The following FAM168A variants were observed in gnomAD, a reference collection of about 807,000 sequenced individuals.
FAM168A encodes the protein protein FAM168A.
A neutral mutation model predicts 28.5 loss-of-function variants in FAM168A; 3 were observed. That is an observed-to-expected ratio of 0.11 (90% CI 0.05 to 0.27). FAM168A has a LOEUF of 0.27. FAM168A is among the 10% of genes least tolerant of loss of function. The probability of loss-of-function intolerance (pLI) is 1.00; values close to 1 mark genes in which losing one functional copy is unlikely to be tolerated. For missense variants in FAM168A, 222 were observed against 311.5 expected (o/e 0.71, Z 2.16); for synonymous variants, 122 against 124.2 (o/e 0.98, Z 0.12).
rs142534467 is a variant in FAM168A, at chr11:73,478,519, G to A, written c.-18-10027C>T. On this transcript the variant is annotated intron_variant, in intron 1 of 7. Coordinates refer to ENST00000356467, the MANE Select transcript of FAM168A (RefSeq NM_015159.3). ...GAGATTTCTTTGGTGTGGAAAAAAA[G>A]TCTAAAATGATTTTTGGTGGTTACA... 1.6e-4 allele frequency among the ~76,000 whole-genome samples: 24 copies of A among 147,830 alleles called. No homozygotes were observed. In the East Asian group the frequency reaches 4.4e-3, roughly 27 times the overall value.
At chr11:73,530,795 T>A (rs1473693519) in intron 1 of FAM168A, among the ~76,000 whole-genome samples, 1 of 152,178 alleles carries the variant, frequency 6.6e-6, no homozygotes, top group East Asian at 1.9e-4. Flanking sequence ...CTAAGTAGGA[T>A]AAATGTTATG....
At chr11:73,420,105 A>G (rs1412239445) in intron 3 of FAM168A, 106 bp from the exon 4 acceptor site, 5 of 1,395,236 alleles carry the variant, frequency 3.6e-6, no homozygotes, top group Non-Finnish European at 2.0e-6. Flanking sequence ...ATACAACCCA[A>G]GGGGCCTGTT....
Position 73,407,860 on chromosome 11 carries a change from A to C in FAM168A, c.596-217T>G, listed in dbSNP as rs962404429. 2.0e-5 allele frequency among the ~76,000 whole-genome samples: 3 copies of C among 152,160 alleles called. No individual in the cohort carries two copies. In the East Asian group the frequency reaches 5.8e-4, roughly 29 times the overall value. On this transcript the variant is annotated intron_variant, in intron 6 of 7. Transcript: ENST00000356467. The stretch of plus-strand genomic sequence containing the variant: ...ATGCTTGAGGACAGAATCAATGACT[A>C]TTCTAAGTCCTCCTTTTCCTTTTTT...
At chr11:73,577,175 G>T (rs891340068) in intron 1 of FAM168A, among the ~76,000 whole-genome samples, 2 of 152,138 alleles carry the variant, frequency 1.3e-5, no homozygotes, top group African/African-American at 2.4e-5. Context: ...GCGTCACTGG[G>T]CATCTGCTAT....
At position 73,571,457 on chromosome 11, in the gene FAM168A, G is replaced by A. The variant is rs1487381521; in HGVS notation, c.-19+26466C>T. Among the ~76,000 whole-genome samples, 9 of 151,556 alleles carry A rather than the reference G, an allele frequency of 5.9e-5. No individual in the cohort carries two copies. In the South Asian group the frequency reaches 1.5e-3, roughly 25 times the overall value. On this transcript the variant is annotated intron_variant, in intron 1 of 7. Transcript: ENST00000356467. ...GAGACGGGGTTTCGCTGTGTTGGCC[G>A]GGCTGGTCTCCAGCTCCTAACCGCG...
rs1396808954 is a variant in FAM168A at position 73,400,909 on chromosome 11, T to TCAAAA, written c.*5849_*5853dup. ...TTTCAGAGTGATCACTGTCTGATCT[T>TCAAAA]CAAAACAAAACAAAAACCCAAAAGA... On this transcript the variant is annotated 3_prime_UTR_variant, in exon 8 of 8. Transcript: ENST00000356467. The TCAAAA allele has an allele frequency of 6.6e-6, 1 of 151,804 alleles. No individual in the cohort carries two copies. The highest frequency in any genetic ancestry group is 1.9e-4 in the East Asian group (1 of 5,190). 9.4% of individuals were successfully genotyped at this position (151,804 alleles called of 1,614,324 possible).
At chr11:73,467,985 T>C (rs187087905) in intron 2 of FAM168A, among the ~76,000 whole-genome samples, 2 of 152,338 alleles carry the variant, frequency 1.3e-5, no homozygotes, top group East Asian at 3.9e-4. Flanking sequence ...GAAACTCCAA[T>C]ATATTTCTGA....
intron 1 of FAM168A, among the ~76,000 whole-genome samples, chr11:73,513,205 A>ATTTTT (rs1046600591): frequency 7.3e-5 from 8 of 109,360 alleles, no homozygotes; most frequent in East Asian, 2.4e-4. Flanking sequence ...TTTTTTTTTA[A>ATTTTT]TTTTTTTTTT....
At chr11:73,460,568 A>G (rs955482762) in intron 2 of FAM168A, among the ~76,000 whole-genome samples, 2 of 149,766 alleles carry the variant, frequency 1.3e-5, no homozygotes, top group African/African-American at 5.0e-5. Flanking sequence ...TAGTGGCACA[A>G]TCTCAGCTCA....
intron 1 of FAM168A, among the ~76,000 whole-genome samples, chr11:73,550,221 T>A (rs577242671): frequency 6.6e-6 from 1 of 152,206 alleles, no homozygotes; most frequent in Admixed American, 6.5e-5. Flanking sequence ...CAGAAAGTGG[T>A]AAGAGCTCTA....
chr11:73,505,742 CTTGGTGT>C (rs1855104779), intron 1 of FAM168A, among the ~76,000 whole-genome samples: 3 of 152,130 alleles, frequency 2.0e-5, no homozygotes, highest in Non-Finnish European at 4.4e-5. Context: ...TTGTGAAGTA[CTTGGTGT>C]ACTTCACCAT....
At chr11:73,463,942 TGAG>T (rs914922859) in intron 2 of FAM168A, among the ~76,000 whole-genome samples, 2 of 152,124 alleles carry the variant, frequency 1.3e-5, no homozygotes, top group African/African-American at 4.8e-5. Context: ...AGTTCTCTCC[TGAG>T]GAGAGGAGAT....
intron 1 of FAM168A, among the ~76,000 whole-genome samples, chr11:73,535,593 G>C (rs1377009797): frequency 1.3e-5 from 2 of 151,282 alleles, no homozygotes; most frequent in Non-Finnish European, 1.5e-5. Context: ...CTAATTTTTT[G>C]TATTTTTAGT....
At chr11:73,582,493 A>G (rs1268135572) in intron 1 of FAM168A, among the ~76,000 whole-genome samples, 1 of 151,142 alleles carries the variant, frequency 6.6e-6, no homozygotes, top group Admixed American at 6.6e-5. Context: ...ATTGCACTCC[A>G]GCCTGGGGAA....
intron 1 of FAM168A, among the ~76,000 whole-genome samples, chr11:73,588,463 G>A (rs1454594797): frequency 6.6e-6 from 1 of 152,132 alleles, no homozygotes; most frequent in Non-Finnish European, 1.5e-5. Context: ...GGCTGGGTCA[G>A]GGGTATCACT....
At chr11:73,506,787 T>C (rs1323086298) in intron 1 of FAM168A, among the ~76,000 whole-genome samples, 2 of 152,162 alleles carry the variant, frequency 1.3e-5, no homozygotes, top group Non-Finnish European at 2.9e-5. Context: ...AGACCCAAAA[T>C]TCACTGATTC....
rs1001600573 is a variant in FAM168A at position 73,406,211 on chromosome 11, G to T, written c.*552C>A. ...CACGCCTACATACTCAGGTGGTTTT[G>T]TTCTTGGTCTGTTGCAATGGTTCTC... is the stretch of plus-strand genomic sequence containing the variant. On this transcript the variant is annotated 3_prime_UTR_variant, in exon 8 of 8. Coordinates refer to ENST00000356467, the MANE Select transcript of FAM168A (RefSeq NM_015159.3). 6.7e-6 allele frequency: 1 copy of T among 149,250 alleles called. No homozygotes were observed. Among genetic ancestry groups the T allele is most frequent in the African/African-American group, 2.5e-5 (1 of 40,484 alleles). 9.2% of individuals were successfully genotyped at this position (149,250 alleles called of 1,614,324 possible).
chr11:73,447,812 C>A (rs922135976), intron 2 of FAM168A, among the ~76,000 whole-genome samples: 2 of 152,052 alleles, frequency 1.3e-5, no homozygotes, highest in African/African-American at 4.8e-5. Context: ...AGCTAACTAC[C>A]ATTTCCCTAC....
In FAM168A at chr11:73,492,473, C is replaced by CA. The variant is rs374571035; in HGVS notation, c.-18-23982dup. Among the ~76,000 whole-genome samples the CA allele has an allele frequency of 3.1e-3, 477 of 151,898 alleles. 4 individuals are homozygous for CA. The highest frequency in any genetic ancestry group is 0.011 in the African/African-American group (457 of 41,394). ...CCAGCATGGTGAAACCCCATCTCTA[C>CA]AAAAAAAATTTCAAAAAAATTAGCC... is the stretch of plus-strand genomic sequence containing the variant. On this transcript the variant is annotated intron_variant, in intron 1 of 7. Coordinates refer to ENST00000356467, the MANE Select transcript of FAM168A (RefSeq NM_015159.3).
Sources: allele counts gnomAD v4.1 joint callset (sites outside exome capture counted in the v4.1 genomes callset), GRCh38; gene constraint gnomAD v4.1.1; transcripts MANE v1.5; gene names NCBI Gene and HGNC (gene_info 2026-07-23, HGNC 2026-07-21).